Variants in GEMIN5 observed in about 807,000 individuals in gnomAD.
The protein encoded by GEMIN5 is gem nuclear organelle associated protein 5.
A neutral mutation model predicts 176.9 loss-of-function variants in GEMIN5; 124 were observed. That is an observed-to-expected ratio of 0.70 (90% CI 0.61 to 0.81). GEMIN5 has a LOEUF of 0.81. GEMIN5 is among the 40% of genes least tolerant of loss of function. The probability of loss-of-function intolerance (pLI) is 0.00; values close to 1 mark genes in which losing one functional copy is unlikely to be tolerated. For missense variants in GEMIN5, 1,843 were observed against 1,814.6 expected (o/e 1.02, Z -0.28); for synonymous variants, 673 against 665.2 (o/e 1.01, Z -0.18).
At position 154,905,367 on chromosome 5, in the gene GEMIN5, C is replaced by G; in HGVS notation, c.2505G>C (p.Lys835Asn). The G allele has an allele frequency of 6.5e-7, 1 of 1,536,562 alleles. No homozygotes were observed. The highest frequency in any genetic ancestry group is 8.9e-7 in the Non-Finnish European group (1 of 1,118,270). ...TTTTAATTACTAGATACCAACCTGG[C>G]TTCTCTTTTGGTGGCTCCTTTTTCA... ...ILLKKEPPKE[K>N]PETLIKKRKA... Residue 835 changes from lysine to asparagine, a missense_variant, in exon 17 of 28, where the codon AAG becomes AAC. Lys to Asn is a moderately conservative substitution (Grantham distance 94). Coordinates refer to ENST00000285873, the MANE Select transcript of GEMIN5 (RefSeq NM_015465.5).
Position 154,896,081 on chromosome 5 carries a change from A to T in GEMIN5, c.3597+11T>A, listed in dbSNP as rs761163933. On this transcript the variant is annotated intron_variant, in intron 24 of 27. Transcript: ENST00000285873. The stretch of plus-strand genomic sequence containing the variant: ...AGTGATTAATGTCAAATGCTGGTAC[A>T]GATGGCTTACCTGTTTGGCAGGTGT... The T allele has an allele frequency of 5.6e-6, 9 of 1,612,448 alleles. No homozygotes were observed. The highest frequency in any genetic ancestry group is 7.6e-6 in the Non-Finnish European group (9 of 1,179,524).
intron 26 of GEMIN5, among the ~76,000 whole-genome samples, 188 bp from the exon 27 acceptor site, chr5:154,889,605 CAA>C (rs1763184239): frequency 6.6e-6 from 1 of 152,110 alleles, no homozygotes; most frequent in Non-Finnish European, 1.5e-5. Context: ...CACCCATTTC[CAA>C]AAACTCTTGT....
chr5:154,902,392 T>G, intron 20 of GEMIN5, 147 bp downstream of exon 20: 1 of 697,218 alleles, frequency 1.4e-6, no homozygotes. Context: ...TGGGTTGGAT[T>G]TATTAGTTTG....
chr5:154,935,774 G>T, intron 3 of GEMIN5, 67 bp downstream of exon 3: 3 of 1,115,424 alleles, frequency 2.7e-6, no homozygotes, highest in Non-Finnish European at 4.0e-6. Context: ...GACAGAGAAG[G>T]TAAAGAAAAT....
intron 9 of GEMIN5, 60 bp from the exon 10 acceptor site, chr5:154,921,485 A>C (rs1357104141): frequency 1.3e-6 from 1 of 758,656 alleles, no homozygotes; most frequent in Non-Finnish European, 2.3e-6. Context: ...ATAATGAAAA[A>C]CAGACCATCT....
intron 5 of GEMIN5, among the ~76,000 whole-genome samples, chr5:154,928,989 C>T (rs1013595342): frequency 1.2e-4 from 18 of 151,596 alleles, no homozygotes; most frequent in Admixed American, 4.6e-4. Flanking sequence ...TTTGAGAGGC[C>T]GAGGCGGGAG....
Position 154,920,038 on chromosome 5 carries a change from G to T in GEMIN5, c.1528C>A (p.His510Asn). 1.2e-6 allele frequency: 2 copies of T among 1,608,846 alleles called. No individual in the cohort carries two copies. Among genetic ancestry groups the T allele is most frequent in the South Asian group, 2.2e-5 (2 of 90,970 alleles). The change falls in exon 11 of 28, where the codon CAT (histidine) becomes AAT (asparagine). Residue 510 changes from histidine (H) to asparagine (N), a missense_variant. Transcript: ENST00000285873. ...TCTCCACTAAGCTTCCAGGGATTAT[G>T]CTGTAAGACAATCCCTTCTCCTCCA... Reference protein sequence around the residue: ...SCGGEGIVLQHNPWKLSGEAF... With the variant: ...SCGGEGIVLQNNPWKLSGEAF...
chr5:154,938,080 G>A lies in GEMIN5; in HGVS notation c.54C>T (p.Arg18=). 1 of 1,513,876 alleles carries A rather than the reference G, an allele frequency of 6.6e-7. No homozygotes were observed. Among genetic ancestry groups the A allele is most frequent in the Non-Finnish European group, 8.8e-7 (1 of 1,134,950 alleles). The allele number at this position is 1,513,876 out of a possible 1,614,324, so 93.8% of individuals were successfully genotyped here. ...LPPSPNWYCA[R]CSDAVPGGLF... ...GGCCCCCGGGCACGGCATCGCTGCA[G>A]CGGGCGCAGTACCAGTTGGGGGAGG... is the stretch of plus-strand genomic sequence containing the variant. The change falls in exon 1 of 28, where the codon CGC becomes CGT. Residue 18 remains arginine, a synonymous_variant. Coordinates refer to ENST00000285873, the MANE Select transcript of GEMIN5 (RefSeq NM_015465.5).
At position 154,894,881 on chromosome 5, in the gene GEMIN5, C is replaced by T. The variant is rs190315551; in HGVS notation, c.3597+1211G>A. Among the ~76,000 whole-genome samples the T allele has an allele frequency of 6.5e-3, 911 of 140,888 alleles. 6 individuals are homozygous for T. The highest frequency in any genetic ancestry group is 0.022 in the African/African-American group (848 of 37,704). 92.4% of individuals were successfully genotyped at this position (140,888 alleles called of 152,430 possible). On this transcript the variant is annotated intron_variant, in intron 24 of 27. Coordinates refer to ENST00000285873, the MANE Select transcript of GEMIN5 (RefSeq NM_015465.5). The stretch of plus-strand genomic sequence containing the variant: ...AAGATCATGCCACTGTACTCCAGCC[C>T]GGGTGACAGAGTGAGACTCCATCTA...
chr5:154,892,263 A>T, intron 25 of GEMIN5, 124 bp downstream of exon 25: 1 of 775,232 alleles, frequency 1.3e-6, no homozygotes, highest in Non-Finnish European at 2.1e-6. Context: ...CAAACTTTCT[A>T]CTAAAATGAC....
intron 24 of GEMIN5, among the ~76,000 whole-genome samples, chr5:154,895,095 A>G (rs1311334827): frequency 6.6e-6 from 1 of 151,980 alleles, no homozygotes; most frequent in Non-Finnish European, 1.5e-5. Context: ...GAAAGAAAAG[A>G]AAAGGAAAAA....
chr5:154,914,601 A>G (rs1763776226), intron 13 of GEMIN5, among the ~76,000 whole-genome samples: 1 of 150,984 alleles, frequency 6.6e-6, no homozygotes, highest in Non-Finnish European at 1.5e-5. Flanking sequence ...GTAGCCTCCA[A>G]CTCCTGGGCT....
intron 15 of GEMIN5, among the ~76,000 whole-genome samples, chr5:154,909,205 C>T (rs1011592909): frequency 2.3e-5 from 3 of 129,700 alleles, no homozygotes; most frequent in African/African-American, 8.8e-5. Flanking sequence ...AACACCTGGG[C>T]TCAAGTGATC....
intron 26 of GEMIN5, 92 bp from the exon 27 acceptor site, chr5:154,889,509 A>G (rs1763182888): frequency 3.1e-6 from 2 of 647,658 alleles, no homozygotes; most frequent in Non-Finnish European, 5.5e-6. Context: ...AATGTATATA[A>G]CATAAAGCTT....
At chr5:154,904,886 A>C (rs766167018) in intron 17 of GEMIN5, among the ~76,000 whole-genome samples, 3 of 152,230 alleles carry the variant, frequency 2.0e-5, no homozygotes, top group Non-Finnish European at 4.4e-5. Context: ...AAAATTCAAA[A>C]GCATGACCCA....
At chr5:154,907,876 T>A in intron 15 of GEMIN5, 58 bp from the exon 16 acceptor site, 1 of 1,215,304 alleles carries the variant, frequency 8.2e-7, no homozygotes, top group Non-Finnish European at 1.2e-6. Flanking sequence ...AAAAGCACTC[T>A]AGGTGGTAAA....
At chr5:154,893,255 TAAAAAA>T (rs70981957) in intron 24 of GEMIN5, among the ~76,000 whole-genome samples, 13 of 85,686 alleles carry the variant, frequency 1.5e-4, no homozygotes, top group Admixed American at 1.3e-3. Context: ...AGCCCGTCTC[TAAAAAA>T]AAAAAAAAAA....
chr5:154,927,813 G>A (rs1011356998), intron 6 of GEMIN5, among the ~76,000 whole-genome samples: 6 of 152,084 alleles, frequency 3.9e-5, no homozygotes, highest in African/African-American at 1.4e-4. Context: ...GCAACAAAGT[G>A]AGACCGTCCC....
rs1368276840 is a variant in GEMIN5 at position 154,891,285 on chromosome 5, C to T, written c.4218G>A (p.Pro1406=). Residue 1406 remains proline, a synonymous_variant, in exon 26 of 28, where the codon CCG becomes CCA. Transcript: ENST00000285873. ...AGAGGGGCTGCTCTGCTTCTACTTC[C>T]GGTTCATTCTTATCAGGACCATTTG... The part of the protein sequence containing the change: ...STANGPDKNE[P]EVEAEQPLCS... 1.2e-5 allele frequency: 20 copies of T among 1,613,816 alleles called. No homozygotes were observed. The highest frequency in any genetic ancestry group is 3.3e-5 in the Admixed American group (2 of 59,980).
Sources: gnomAD v4.1 joint callset for allele counts (sites outside exome capture counted in the v4.1 genomes callset) on GRCh38, gnomAD v4.1.1 for gene constraint, MANE v1.5 for transcripts, NCBI Gene and HGNC (gene_info 2026-07-23, HGNC 2026-07-21) for gene names.